Variants in LIMCH1 observed in about 807,000 individuals in gnomAD.
LIMCH1 encodes the protein LIM and calponin homology domains 1, also known as LIM and calponin homology domains-containing protein 1.
LIMCH1 carries 113 observed loss-of-function variants against 176.5 expected under a neutral mutation model. The ratio of observed to expected loss-of-function variants is 0.64; its 90% CI spans 0.55 to 0.75. LIMCH1 has a LOEUF of 0.75. Among genes scored for constraint, LIMCH1 ranks in the 30% least tolerant of loss-of-function variants. LIMCH1 has a pLI of 0.00. For synonymous variants in LIMCH1, 619 were observed against 645.9 expected (o/e 0.96, Z 0.63); for missense variants, 1,674 against 1,814.9 (o/e 0.92, Z 1.41).
At chr4:41,571,146 G>C (rs184738604) in intron 1 of LIMCH1, among the ~76,000 whole-genome samples, 59 of 152,134 alleles carry the variant, frequency 3.9e-4, no homozygotes, top group Non-Finnish European at 7.5e-4. Flanking sequence ...GAAGAGGAGA[G>C]AATGTGTGGC....
chr4:41,633,701 G>T lies in LIMCH1; in HGVS notation c.1983G>T (p.Met661Ile), dbSNP rs1041157862. The T allele has an allele frequency of 1.2e-5, 18 of 1,536,098 alleles. No homozygotes were observed. Among genetic ancestry groups the T allele is most frequent in the Non-Finnish European group, 1.6e-5 (18 of 1,146,944 alleles). The change falls in exon 13 of 32, where the codon ATG becomes ATT. Residue 661 changes from methionine to isoleucine, a missense_variant. This residue lies in a region of LIMCH1 where 1,015 missense variants were observed against 1,102.5 expected (regional missense o/e 0.92). Transcript: ENST00000503057. The part of the protein sequence containing the change: ...KDDMMARRTG[M>I]SLRHTGSNPN... The stretch of plus-strand genomic sequence containing the variant: ...ACATGATGGCCAGGAGAACTGGGAT[G>T]TCCCTTAGACACACTGGATCCAACC...
In LIMCH1 at chr4:41,676,436, C is replaced by CAACAGG; in HGVS notation, c.3503_3508dup (p.Gln1168_Glu1169dup). 1 of 1,613,914 alleles carries CAACAGG rather than the reference C, an allele frequency of 6.2e-7. No individual in the cohort carries two copies. The highest frequency in any genetic ancestry group is 1.1e-5 in the South Asian group (1 of 91,066). ...GGAGCGCAGGCGACAGGAAAAATGGCAACAGGAACAGGAACGTTTGCTCCA... is the reference window on the plus strand; with the variant it reads ...GGAGCGCAGGCGACAGGAAAAATGGCAACAGGAACAGGAACAGGAACGTTTGCTCCA... On this transcript the variant is annotated inframe_insertion, in exon 23 of 32. Transcript: ENST00000503057.
At chr4:41,371,584 C>T (rs552881072) in intron 1 of LIMCH1, among the ~76,000 whole-genome samples, 76 of 152,246 alleles carry the variant, frequency 5.0e-4, no homozygotes, top group African/African-American at 1.8e-3. Flanking sequence ...TGCCAGGCAC[C>T]GTTAGTTCTT....
intron 1 of LIMCH1, among the ~76,000 whole-genome samples, chr4:41,445,067 G>A (rs554620733): frequency 6.8e-6 from 1 of 146,942 alleles, no homozygotes; most frequent in South Asian, 2.2e-4. Flanking sequence ...GTGCAGTGGC[G>A]CAATCTTGGC....
At chr4:41,612,702 G>A in intron 4 of LIMCH1, 1 of 700,124 alleles carries the variant, frequency 1.4e-6, no homozygotes, top group Non-Finnish European at 2.6e-6. Context: ...GGCTGTCAAA[G>A]ACAGCCATTG....
At chr4:41,565,590 TAAG>T (rs2082660742) in intron 1 of LIMCH1, among the ~76,000 whole-genome samples, 1 of 152,130 alleles carries the variant, frequency 6.6e-6, no homozygotes, top group South Asian at 2.1e-4. Flanking sequence ...TATCTTTCTC[TAAG>T]AAGAATTCCA....
intron 1 of LIMCH1, among the ~76,000 whole-genome samples, chr4:41,564,103 C>T (rs938610582): frequency 3.9e-4 from 60 of 152,316 alleles, no homozygotes; most frequent in African/African-American, 1.3e-3. Context: ...TCATTATAGG[C>T]TCAAAGCTCT....
chr4:41,519,323 A>G (rs2075894629), intron 2 of LIMCH1, among the ~76,000 whole-genome samples: 1 of 152,212 alleles, frequency 6.6e-6, no homozygotes, highest in Non-Finnish European at 1.5e-5. Context: ...TGCATACGCA[A>G]TAAATGCTTG....
chr4:41,682,573 G>A, intron 26 of LIMCH1, 113 bp downstream of exon 26: 3 of 961,556 alleles, frequency 3.1e-6, no homozygotes, highest in South Asian at 2.0e-5. Flanking sequence ...CGAAATGAAT[G>A]TTCCAGTAAT....
intron 1 of LIMCH1, chr4:41,472,898 C>A: frequency 2.3e-6 from 1 of 425,846 alleles, no homozygotes; most frequent in Non-Finnish European, 3.1e-6. Context: ...TGACCATGGA[C>A]CCTTCTTTCC....
At chr4:41,440,101 G>T (rs537967138) in intron 1 of LIMCH1, among the ~76,000 whole-genome samples, 20 of 152,276 alleles carry the variant, frequency 1.3e-4, no homozygotes, top group Non-Finnish European at 2.6e-4. Context: ...AAAGGAAGAA[G>T]TAACAAGAAG....
At chr4:41,543,748 A>AT (rs1478006109) in intron 1 of LIMCH1, among the ~76,000 whole-genome samples, 1 of 152,220 alleles carries the variant, frequency 6.6e-6, no homozygotes, top group Non-Finnish European at 1.5e-5. Flanking sequence ...TGTTAAAAAA[A>AT]CAAAGGCGCC....
chr4:41,646,577 T>C lies in LIMCH1; in HGVS notation c.2504T>C (p.Phe835Ser). The C allele has an allele frequency of 6.2e-7, 1 of 1,614,178 alleles. No homozygotes were observed. Among genetic ancestry groups the C allele is most frequent in the Non-Finnish European group, 8.5e-7 (1 of 1,180,026 alleles). ...ATCCTTCAACAGTACATTGAGAGGT[T>C]CACCATCAGTGAGGCTGTTCTCGAA... is the stretch of plus-strand genomic sequence containing the variant. ...EGILQQYIER[F>S]TISEAVLERL... The change falls in exon 17 of 32, where the codon TTC becomes TCC. Residue 835 changes from phenylalanine to serine, a missense_variant. Physicochemically the swap from Phe to Ser is radical, Grantham distance 155. This residue lies in a region of LIMCH1 where 1,015 missense variants were observed against 1,102.5 expected (regional missense o/e 0.92). Coordinates refer to ENST00000503057, the MANE Select transcript of LIMCH1 (RefSeq NM_001330672.2).
At chr4:41,520,140 ATCT>A (rs1196107009) in intron 2 of LIMCH1, among the ~76,000 whole-genome samples, 1 of 152,150 alleles carries the variant, frequency 6.6e-6, no homozygotes, top group Admixed American at 6.5e-5. Context: ...TGTTTTACGA[ATCT>A]TCTTATGCTT....
At chr4:41,627,668 G>A (rs1337334240) in intron 8 of LIMCH1, among the ~76,000 whole-genome samples, 1 of 152,154 alleles carries the variant, frequency 6.6e-6, no homozygotes, top group Non-Finnish European at 1.5e-5. Context: ...GAGTGAATTG[G>A]GGACAGGAAA....
chr4:41,396,764 G>A (rs1363967315), intron 1 of LIMCH1, among the ~76,000 whole-genome samples: 2 of 152,028 alleles, frequency 1.3e-5, no homozygotes, highest in African/African-American at 4.8e-5. Context: ...AGCTCTGGGT[G>A]TGGTGGCAGG....
intron 1 of LIMCH1, among the ~76,000 whole-genome samples, chr4:41,444,451 A>G (rs1369832330): frequency 6.6e-6 from 1 of 152,164 alleles, no homozygotes; most frequent in Non-Finnish European, 1.5e-5. Context: ...ATCTATATTA[A>G]TATATGAGTT....
At chr4:41,682,817 C>T (rs1278177225) in intron 26 of LIMCH1, among the ~76,000 whole-genome samples, 1 of 151,976 alleles carries the variant, frequency 6.6e-6, no homozygotes, top group Non-Finnish European at 1.5e-5. Context: ...GCTGGGACTA[C>T]AGGTGCGTGC....
chr4:41,525,483 G>T (rs1429426557), intron 3 of LIMCH1, among the ~76,000 whole-genome samples: 2 of 152,138 alleles, frequency 1.3e-5, no homozygotes, highest in Non-Finnish European at 2.9e-5. Context: ...TGAGAATTGT[G>T]GGGGGTCCTT....
Sources: allele counts gnomAD v4.1 joint callset (sites outside exome capture counted in the v4.1 genomes callset), GRCh38; gene constraint gnomAD v4.1.1; regional missense constraint gnomAD v4.1.1; transcripts MANE v1.5; gene names NCBI Gene and HGNC (gene_info 2026-07-23, HGNC 2026-07-21).